Variants in SURF6 observed in about 807,000 individuals in gnomAD.
The protein encoded by SURF6 is surfeit locus protein 6.
SURF6 carries 28 observed loss-of-function variants against 37.5 expected under a neutral mutation model. The ratio of observed to expected loss-of-function variants is 0.75; its 90% CI spans 0.55 to 1.02. The LOEUF (loss-of-function observed/expected upper bound fraction) is 1.02, where lower values mean the gene tolerates loss of function less well. SURF6 is among the 50% of genes least tolerant of loss of function. The pLI is 0.00. For synonymous variants in SURF6, 248 were observed against 210.9 expected (o/e 1.18, Z -1.52); for missense variants, 560 against 490.5 (o/e 1.14, Z -1.34).
At chr9:133,334,174 G>GC (rs2129926200) in intron 2 of SURF6, among the ~76,000 whole-genome samples, 15 of 152,174 alleles carry the variant, frequency 9.9e-5, no homozygotes, top group East Asian at 1.9e-4. Context: ...ACACAGCCTT[G>GC]CCCCCTGACA....
In SURF6 at chr9:133,331,748, G is replaced by A. The variant is rs1835731927; in HGVS notation, c.*121C>T. The stretch of plus-strand genomic sequence containing the variant: ...TCACAACTCAGCAGAGCACCACTGT[G>A]TCCCCCTCACATGGAGAGGCCGAGG... On this transcript the variant is annotated 3_prime_UTR_variant, in exon 5 of 5. Coordinates refer to ENST00000372022, the MANE Select transcript of SURF6 (RefSeq NM_006753.6). 2 of 1,312,796 alleles carry A rather than the reference G, an allele frequency of 1.5e-6. No homozygotes were observed. The highest frequency in any genetic ancestry group is 3.2e-5 in the Admixed American group (1 of 31,020). The allele number at this position is 1,312,796 out of a possible 1,614,324, so 81.3% of individuals were successfully genotyped here.
At position 133,330,169 on chromosome 9, in the gene SURF6, A is replaced by G. The variant is rs1370909861; in HGVS notation, c.*1700T>C. 1 of 152,114 alleles carries G rather than the reference A, an allele frequency of 6.6e-6. No individual in the cohort carries two copies. Among genetic ancestry groups the G allele is most frequent in the African/African-American group, 2.4e-5 (1 of 41,406 alleles). 9.4% of individuals were successfully genotyped at this position (152,114 alleles called of 1,614,324 possible). ...AGCGTATGTGTGTATAAATGGCACT[A>G]TTTATCTGTAGATGCACATACATTT... On this transcript the variant is annotated 3_prime_UTR_variant, in exon 5 of 5. Coordinates refer to ENST00000372022, the MANE Select transcript of SURF6 (RefSeq NM_006753.6).
Position 133,331,900 on chromosome 9 carries a change from G to A in SURF6, c.1055C>T (p.Pro352Leu), listed in dbSNP as rs2129912480. 3.3e-6 allele frequency: 5 copies of A among 1,530,116 alleles called. No individual in the cohort carries two copies. Among genetic ancestry groups the A allele is most frequent in the Non-Finnish European group, 4.3e-6 (5 of 1,150,840 alleles). 94.8% of individuals were successfully genotyped at this position (1,530,116 alleles called of 1,614,324 possible). A position where few individuals can be genotyped will look rare whatever the true frequency, so the allele number is the denominator to read the frequency against. ...LRARKKGRIL[P>L]QDLERAGLV ...CAGGCCTGCGCGCTCCAGGTCCTGC[G>A]GCAGGATGCGGCCCTTCTTGCGGGC... Residue 352 changes from proline (P) to leucine (L), a missense_variant, in exon 5 of 5, where the codon CCG becomes CTG. Physicochemically the swap from Pro to Leu is moderately conservative, Grantham distance 98. Transcript: ENST00000372022.
rs1030530719 is a variant in SURF6 at position 133,330,269 on chromosome 9, C to A, written c.*1600G>T. Reference sequence around the variant, plus strand: ...ATTTTTTCTTTTTGAGACAGTCTTGCTCTGTCACCCAGGCTGGAGTGCAGC... The same window carrying A: ...ATTTTTTCTTTTTGAGACAGTCTTGATCTGTCACCCAGGCTGGAGTGCAGC... On this transcript the variant is annotated 3_prime_UTR_variant, in exon 5 of 5. Coordinates refer to ENST00000372022, the MANE Select transcript of SURF6 (RefSeq NM_006753.6). 10 of 151,920 alleles carry A rather than the reference C, an allele frequency of 6.6e-5. No individual in the cohort carries two copies. Among genetic ancestry groups the A allele is most frequent in the African/African-American group, 2.4e-4 (10 of 41,358 alleles). 9.4% of individuals were successfully genotyped at this position (151,920 alleles called of 1,614,324 possible).
At chr9:133,333,641 G>T in intron 3 of SURF6, 77 bp downstream of exon 3, 1 of 1,360,902 alleles carries the variant, frequency 7.3e-7, no homozygotes, top group African/African-American at 1.4e-5. Flanking sequence ...CAGGGGCTAC[G>T]GCCCCTCGCT....
chr9:133,335,854 C>T (rs2129932802), intron 1 of SURF6, among the ~76,000 whole-genome samples, 185 bp downstream of exon 1: 1 of 152,152 alleles, frequency 6.6e-6, no homozygotes, highest in South Asian at 2.1e-4. Flanking sequence ...CCAGCCTGGA[C>T]GACAGAGCGA....
Position 133,334,413 on chromosome 9 carries a change from TG to T in SURF6, c.282del (p.Ser95AlafsTer104). 6.2e-7 allele frequency: 1 copy of T among 1,613,516 alleles called. No individual in the cohort carries two copies. Among genetic ancestry groups the T allele is most frequent in the Non-Finnish European group, 8.5e-7 (1 of 1,179,940 alleles). On this transcript the variant is annotated frameshift_variant, in exon 2 of 5. Transcript: ENST00000372022. LOFTEE classifies it high-confidence loss of function. ...EAAKEEAAWA[S>X]SSAGNPADGL... ...TCACCTGCAGGGTTCCCTGCTGAGCTGGAAGCCCAAGCTGCTTCCTCTTTGG... is the reference window on the plus strand; with the variant it reads ...TCACCTGCAGGGTTCCCTGCTGAGCTGAAGCCCAAGCTGCTTCCTCTTTGG...
chr9:133,333,457 C>G (rs145830851), intron 3 of SURF6, among the ~76,000 whole-genome samples: 1 of 152,166 alleles, frequency 6.6e-6, no homozygotes, highest in Non-Finnish European at 1.5e-5. Flanking sequence ...AGGACTATTA[C>G]GACATTCAGA....
chr9:133,332,412 C>T lies in SURF6; in HGVS notation c.607-64G>A, dbSNP rs931422172. ...CACTAGGCCCCAGCCTTGGCCAGTA[C>T]CCTAAGGGACCTGCGAGGTCCCCGT... On this transcript the variant is annotated intron_variant, in intron 4 of 4. Coordinates refer to ENST00000372022, the MANE Select transcript of SURF6 (RefSeq NM_006753.6). 3.9e-6 allele frequency: 6 copies of T among 1,530,714 alleles called. No homozygotes were observed. In the African/African-American group the frequency reaches 4.1e-5, roughly 11 times the overall value. 94.8% of individuals were successfully genotyped at this position (1,530,714 alleles called of 1,614,324 possible).
rs1183455477 is a variant in SURF6 at position 133,332,200 on chromosome 9, TCGTCCAGCCGGCTCTGC to T, written c.738_754del (p.Gln247AlafsTer6). 6.2e-7 allele frequency: 1 copy of T among 1,608,598 alleles called. No homozygotes were observed. Among genetic ancestry groups the T allele is most frequent in the Non-Finnish European group, 8.5e-7 (1 of 1,179,932 alleles). On this transcript the variant is annotated frameshift_variant, in exon 5 of 5. Transcript: ENST00000372022. LOFTEE classifies it high-confidence loss of function. ...CTTCCCCTCATCCTGGCCGCGCAGC[TCGTCCAGCCGGCTCTGC>T]CGTGCCTGCAGGCGCTCCAGCAGCT... is the stretch of plus-strand genomic sequence containing the variant.
rs2129933504 is a variant in SURF6, at chr9:133,336,027, C to T, written c.94+12G>A. On this transcript the variant is annotated intron_variant, in intron 1 of 4. Transcript: ENST00000372022. ...GCAGGCCCCTTAGTCCCGGCCCGGC[C>T]CTGTGCGTTACCCCGCGTGCGCGCC... is the stretch of plus-strand genomic sequence containing the variant. 1.1e-5 allele frequency: 17 copies of T among 1,608,858 alleles called. No homozygotes were observed. The South Asian group carries it at 1.6e-4, about 16-fold the overall frequency.
chr9:133,331,782 G>C lies in SURF6; in HGVS notation c.*87C>G. 6.9e-7 allele frequency: 1 copy of C among 1,450,296 alleles called. No homozygotes were observed. Among genetic ancestry groups the C allele is most frequent in the Non-Finnish European group, 9.0e-7 (1 of 1,110,696 alleles). 89.8% of individuals were successfully genotyped at this position (1,450,296 alleles called of 1,614,324 possible). A position where few individuals can be genotyped will look rare whatever the true frequency, so the allele number is the denominator to read the frequency against. On this transcript the variant is annotated 3_prime_UTR_variant, in exon 5 of 5. Transcript: ENST00000372022. ...ACATGGAGAGGCCGAGGTCTGTGGAGATCCTGGGACAGAGCCAGCGTCAAG... is the reference window on the plus strand; with the variant it reads ...ACATGGAGAGGCCGAGGTCTGTGGACATCCTGGGACAGAGCCAGCGTCAAG...
chr9:133,332,465 GGA>G, intron 4 of SURF6, 81 bp downstream of exon 4: 2 of 1,553,776 alleles, frequency 1.3e-6, no homozygotes, highest in South Asian at 1.2e-5. Context: ...GATGGGGTTC[GGA>G]GAGAGATCAT....
chr9:133,333,640 C>A (rs1007315406), intron 3 of SURF6, 78 bp downstream of exon 3: 4 of 1,344,142 alleles, frequency 3.0e-6, no homozygotes, highest in Non-Finnish European at 4.2e-6. Context: ...ACAGGGGCTA[C>A]GGCCCCTCGC....
At position 133,334,317 on chromosome 9, in the gene SURF6, G is replaced by A. The variant is rs2129926475; in HGVS notation, c.304+75C>T. ...CCTGCTGCTGCTTTTTTTTTCTTAAGAGCAAAGGGGACCAAGCCCAAGCCC... is the reference window on the plus strand; with the variant it reads ...CCTGCTGCTGCTTTTTTTTTCTTAAAAGCAAAGGGGACCAAGCCCAAGCCC... On this transcript the variant is annotated intron_variant, in intron 2 of 4. Transcript: ENST00000372022. The A allele has an allele frequency of 2.8e-5, 39 of 1,408,372 alleles. No individual in the cohort carries two copies. The Middle Eastern group carries it at 5.5e-4, about 20-fold the overall frequency. The allele number at this position is 1,408,372 out of a possible 1,614,324, so 87.2% of individuals were successfully genotyped here.
rs1835776385 is a variant in SURF6 at position 133,332,659 on chromosome 9, T to G, written c.495A>C (p.Lys165Asn). The change falls in exon 4 of 5, where the codon AAA (lysine) becomes AAC (asparagine). Residue 165 changes from lysine to asparagine, a missense_variant. Coordinates refer to ENST00000372022, the MANE Select transcript of SURF6 (RefSeq NM_006753.6). ...KKRKRKELRA[K>N]EKARKAEEAT... Reference sequence around the variant, plus strand: ...CCTCCTCAGCCTTCCTGGCCTTCTCTTTCGCCCGCAGCTCCTTTCGCTTCC... The same window carrying G: ...CCTCCTCAGCCTTCCTGGCCTTCTCGTTCGCCCGCAGCTCCTTTCGCTTCC... 6.2e-7 allele frequency: 1 copy of G among 1,612,066 alleles called. No homozygotes were observed. The highest frequency in any genetic ancestry group is 1.7e-5 in the Admixed American group (1 of 60,010).
At chr9:133,334,653 T>C (rs1234685278) in intron 1 of SURF6, 52 bp from the exon 2 acceptor site, 8 of 1,588,420 alleles carry the variant, frequency 5.0e-6, no homozygotes, top group Admixed American at 1.7e-5. Flanking sequence ...GCCCATTCAA[T>C]AGGCAGGAAA....
Position 133,334,405 on chromosome 9 carries a change from TGCTGAGCTGGAA to T in SURF6, c.279_290del (p.Ser94_Ala97del). On this transcript the variant is annotated inframe_deletion, in exon 2 of 5. Transcript: ENST00000372022. ...GAAGCCTCTCACCTGCAGGGTTCCCTGCTGAGCTGGAAGCCCAAGCTGCTTCCTCTTTGGCTG... is the reference window on the plus strand; with the variant it reads ...GAAGCCTCTCACCTGCAGGGTTCCCTGCCCAAGCTGCTTCCTCTTTGGCTG... 1 of 1,608,836 alleles carries T rather than the reference TGCTGAGCTGGAA, an allele frequency of 6.2e-7. No individual in the cohort carries two copies. The highest frequency in any genetic ancestry group is 8.5e-7 in the Non-Finnish European group (1 of 1,177,128).
chr9:133,332,663 G>T lies in SURF6; in HGVS notation c.491C>A (p.Ala164Glu). Residue 164 changes from alanine to glutamate, a missense_variant, in exon 4 of 5, where the codon GCG becomes GAG. By Grantham distance (107) the Ala-to-Glu change is moderately radical (BLOSUM62 -1). Transcript: ENST00000372022. ...CTCAGCCTTCCTGGCCTTCTCTTTC[G>T]CCCGCAGCTCCTTTCGCTTCCTCTT... ...RKKRKRKELR[A>E]KEKARKAEEA... The T allele has an allele frequency of 1.2e-6, 2 of 1,612,046 alleles. No homozygotes were observed. Among genetic ancestry groups the T allele is most frequent in the South Asian group, 2.2e-5 (2 of 91,066 alleles).
Sources: allele counts gnomAD v4.1 joint callset (sites outside exome capture counted in the v4.1 genomes callset), GRCh38; gene constraint gnomAD v4.1.1; transcripts MANE v1.5; gene names NCBI Gene and HGNC (gene_info 2026-07-23, HGNC 2026-07-21).